PHLPP1: variants seen among roughly 807,000 people sequenced by gnomAD.
PHLPP1 encodes PH domain leucine-rich repeat-containing protein phosphatase 1.
In PHLPP1, 42 loss-of-function variants were observed where a neutral mutation model predicts 117.2. The ratio of observed to expected loss-of-function variants is 0.36; its 90% CI spans 0.28 to 0.46. The LOEUF (loss-of-function observed/expected upper bound fraction) is 0.46. PHLPP1 is among the 20% of genes least tolerant of loss of function. The probability of loss-of-function intolerance (pLI) is 1.00; values close to 1 mark genes in which losing one functional copy is unlikely to be tolerated. For synonymous variants in PHLPP1, 1,042 were observed against 970.7 expected, an observed-to-expected ratio of 1.07 and a Z score of -1.37; for missense variants, 2,084 against 2,241.9, an observed-to-expected ratio of 0.93 and a Z score of 1.42.
chr18:62,926,903 A>G (rs561160059), intron 10 of PHLPP1, among the ~76,000 whole-genome samples: 1 of 152,340 alleles, frequency 6.6e-6, no homozygotes, highest in South Asian at 2.1e-4. Flanking sequence ...CTTTGACTGT[A>G]TCCATGCTAT....
chr18:62,957,401 G>A (rs1383274909), intron 12 of PHLPP1, among the ~76,000 whole-genome samples: 2 of 151,474 alleles, frequency 1.3e-5, no homozygotes, highest in African/African-American at 4.8e-5. Flanking sequence ...AGGACCTGTT[G>A]GAGAGTCCAG....
At chr18:62,800,903 G>A (rs1913758902) in intron 1 of PHLPP1, among the ~76,000 whole-genome samples, 1 of 152,084 alleles carries the variant, frequency 6.6e-6, no homozygotes, top group African/African-American at 2.4e-5. Flanking sequence ...ATAGAGAGAA[G>A]TTCAGCTGAA....
chr18:62,874,018 A>G (rs1399206255), intron 4 of PHLPP1, among the ~76,000 whole-genome samples: 1 of 150,674 alleles, frequency 6.6e-6, no homozygotes, highest in African/African-American at 2.4e-5. Flanking sequence ...CCCCGTCTCT[A>G]CTAAAAATAC....
chr18:62,943,609 G>A (rs1462442335), intron 11 of PHLPP1, among the ~76,000 whole-genome samples: 1 of 152,150 alleles, frequency 6.6e-6, no homozygotes, highest in Non-Finnish European at 1.5e-5. Flanking sequence ...CATGGTGAGA[G>A]AGGGGGCAAA....
At chr18:62,775,551 C>T (rs995848436) in intron 1 of PHLPP1, among the ~76,000 whole-genome samples, 7 of 152,222 alleles carry the variant, frequency 4.6e-5, no homozygotes, top group Non-Finnish European at 8.8e-5. Flanking sequence ...CATTGGCTTT[C>T]TTGGCATTAC....
intron 1 of PHLPP1, among the ~76,000 whole-genome samples, chr18:62,730,867 A>G (rs1172035677): frequency 6.6e-6 from 1 of 151,776 alleles, no homozygotes; most frequent in Non-Finnish European, 1.5e-5. Context: ...GTGCTTTGTA[A>G]ACTGTGAATG....
intron 1 of PHLPP1, among the ~76,000 whole-genome samples, chr18:62,794,150 A>C (rs1433914173): frequency 1.3e-5 from 2 of 152,212 alleles, no homozygotes; most frequent in African/African-American, 4.8e-5. Flanking sequence ...TTTTGTATAC[A>C]TATGCATACA....
intron 4 of PHLPP1, among the ~76,000 whole-genome samples, chr18:62,861,430 AG>A (rs1399837365): frequency 1.3e-5 from 2 of 152,182 alleles, no homozygotes; most frequent in African/African-American, 4.8e-5. Context: ...AAACTAGAAG[AG>A]AGGGACTTGA....
chr18:62,719,220 C>T (rs1224731332), intron 1 of PHLPP1, among the ~76,000 whole-genome samples: 1 of 152,158 alleles, frequency 6.6e-6, no homozygotes, highest in Non-Finnish European at 1.5e-5. Context: ...TATTCTTGAA[C>T]ATGAAGCCAG....
At chr18:62,849,649 CAA>C (rs34653454) in intron 3 of PHLPP1, among the ~76,000 whole-genome samples, 233 of 82,790 alleles carry the variant, frequency 2.8e-3, no homozygotes, top group African/African-American at 7.4e-3. Flanking sequence ...GATTCTGTCT[CAA>C]AAAAAAAAAA....
At chr18:62,972,343 A>G (rs1192580320) in intron 14 of PHLPP1, among the ~76,000 whole-genome samples, 171 bp from the exon 15 acceptor site, 1 of 152,234 alleles carries the variant, frequency 6.6e-6, no homozygotes, top group Admixed American at 6.5e-5. Context: ...TTCTCTGCTT[A>G]TCAAAATTGG....
intron 1 of PHLPP1, among the ~76,000 whole-genome samples, chr18:62,777,893 G>A (rs1568114296): frequency 1.3e-5 from 2 of 152,062 alleles, no homozygotes; most frequent in Non-Finnish European, 2.9e-5. Flanking sequence ...TTTCCATAAT[G>A]CCATAATGTC....
intron 10 of PHLPP1, among the ~76,000 whole-genome samples, chr18:62,931,064 G>C (rs1599127252): frequency 2.0e-5 from 3 of 152,132 alleles, no homozygotes; most frequent in Admixed American, 2.0e-4. Flanking sequence ...GGGAATGGTG[G>C]CACGTGCCTG....
At chr18:62,772,723 T>TG (rs1344883839) in intron 1 of PHLPP1, among the ~76,000 whole-genome samples, 1 of 148,284 alleles carries the variant, frequency 6.7e-6, no homozygotes, top group African/African-American at 2.5e-5. Context: ...ACCAGCTACT[T>TG]GGGGGGCTGA....
At chr18:62,783,605 A>G (rs1204870985) in intron 1 of PHLPP1, among the ~76,000 whole-genome samples, 1 of 152,170 alleles carries the variant, frequency 6.6e-6, no homozygotes, top group Non-Finnish European at 1.5e-5. Context: ...TGAAATGAGT[A>G]TCTTTTCTGA....
chr18:62,831,330 CTTTTTCTTTTTCT>C (rs1191161157), intron 2 of PHLPP1, among the ~76,000 whole-genome samples: 1 of 143,532 alleles, frequency 7.0e-6, no homozygotes, highest in Admixed American at 6.8e-5. Flanking sequence ...CAAATATTTT[CTTTTTCTTTTTCT>C]TTTTTTTTTT....
At chr18:62,975,762 T>C (rs1458583032) in intron 16 of PHLPP1, 137 bp downstream of exon 16, 1 of 635,856 alleles carries the variant, frequency 1.6e-6, no homozygotes, top group Non-Finnish European at 2.8e-6. Context: ...TCCAAATCCA[T>C]AGTATCACAA....
intron 1 of PHLPP1, among the ~76,000 whole-genome samples, chr18:62,792,868 C>CAAAAAAAAAAAAAAAAA (rs71160870): frequency 1.8e-5 from 1 of 56,852 alleles, no homozygotes; most frequent in African/African-American, 7.7e-5. Flanking sequence ...GCCTCTGTCT[C>CAAAAAAAAAAAAAAAAA]AAAAAAAAAA....
intron 10 of PHLPP1, among the ~76,000 whole-genome samples, chr18:62,931,046 A>C (rs547390313): frequency 6.6e-6 from 1 of 152,124 alleles, no homozygotes; most frequent in Non-Finnish European, 1.5e-5. Context: ...AATACAAAAA[A>C]ATTAGCCGGG....
Sources: allele counts gnomAD v4.1 joint callset (sites outside exome capture counted in the v4.1 genomes callset), GRCh38; gene constraint gnomAD v4.1.1; transcripts MANE v1.5; gene names NCBI Gene and HGNC (gene_info 2026-07-23, HGNC 2026-07-21).